CR1: variants seen among roughly 807,000 people sequenced by gnomAD.
CR1 encodes the protein complement C3b/C4b receptor 1 (Knops blood group).
CR1 carries 116 observed loss-of-function variants against 187.3 expected under a neutral mutation model. The observed-to-expected ratio is 0.62, with a 90% CI of 0.53 to 0.72. The LOEUF is 0.72. CR1 is among the 30% of genes least tolerant of loss of function. The pLI is 0.00. For missense variants in CR1, 1,731 were observed against 2,110.7 expected, an observed-to-expected ratio of 0.82 and a Z score of 3.52; for synonymous variants, 576 against 747.1, an observed-to-expected ratio of 0.77 and a Z score of 3.73.
At chr1:207,516,309 C>A (rs532866456) in intron 4 of CR1, among the ~76,000 whole-genome samples, 2 of 152,304 alleles carry the variant, frequency 1.3e-5, no homozygotes, top group East Asian at 1.9e-4. Flanking sequence ...AGTCAGGTGA[C>A]CTTATGAGTG....
At position 207,618,250 on chromosome 1, in the gene CR1, G is replaced by A; in HGVS notation, c.7066+3G>A. On this transcript the variant is annotated splice_donor_region_variant and intron_variant, in intron 42 of 46. Transcript: ENST00000367049. ...CCAATTGGATCATTATTGCAAAGGTGACTTATTTCTTGGTATTCCTTATTC... is the reference window on the plus strand; with the variant it reads ...CCAATTGGATCATTATTGCAAAGGTAACTTATTTCTTGGTATTCCTTATTC... 1 of 1,612,598 alleles carries A rather than the reference G, an allele frequency of 6.2e-7. No homozygotes were observed. The highest frequency in any genetic ancestry group is 8.5e-7 in the Non-Finnish European group (1 of 1,179,104).
At chr1:207,575,192 C>G (rs1254447040) in intron 27 of CR1, among the ~76,000 whole-genome samples, 2 of 127,430 alleles carry the variant, frequency 1.6e-5, no homozygotes, top group Non-Finnish European at 3.2e-5. Context: ...AGTAAAATGA[C>G]ATAGTATTAT....
At chr1:207,597,540 T>C (rs911399955) in intron 35 of CR1, among the ~76,000 whole-genome samples, 3 of 152,152 alleles carry the variant, frequency 2.0e-5, no homozygotes, top group African/African-American at 7.2e-5. Context: ...CAACCTGACT[T>C]TGTACTAGGA....
chr1:207,506,975 A>G, intron 3 of CR1, 162 bp downstream of exon 3: 1 of 597,076 alleles, frequency 1.7e-6, no homozygotes, highest in Admixed American at 3.3e-5. Flanking sequence ...GAGCAAAGGT[A>G]TGACAAGATC....
At chr1:207,577,127 T>C (rs1446926185) in intron 28 of CR1, among the ~76,000 whole-genome samples, 1 of 152,070 alleles carries the variant, frequency 6.6e-6, no homozygotes, top group Non-Finnish European at 1.5e-5. Context: ...GGCGCATGCC[T>C]GTAATCCCAG....
intron 46 of CR1, among the ~76,000 whole-genome samples, chr1:207,633,971 G>C (rs1012553450): frequency 1.3e-5 from 2 of 152,134 alleles, no homozygotes; most frequent in African/African-American, 2.4e-5. Context: ...CTCAGTGGGG[G>C]AGCTTTTTGA....
intron 1 of CR1, among the ~76,000 whole-genome samples, chr1:207,496,623 T>A (rs1324369058): frequency 2.0e-5 from 3 of 152,138 alleles, no homozygotes; most frequent in Non-Finnish European, 4.4e-5. Flanking sequence ...GGGGCTTAAG[T>A]CGTGACGAGC....
intron 23 of CR1, among the ~76,000 whole-genome samples, chr1:207,564,892 A>C (rs1660445598): frequency 6.6e-6 from 1 of 150,476 alleles, no homozygotes; most frequent in South Asian, 2.1e-4. Flanking sequence ...TTATTATTAA[A>C]AGCTAGGATC....
At chr1:207,581,261 GACGTATACATATGGACACGTATATGTAT>G (rs1558245529) in intron 31 of CR1, among the ~76,000 whole-genome samples, 2,760 of 129,476 alleles carry the variant, frequency 0.021, 2 homozygotes, top group African/African-American at 0.037. Flanking sequence ...CGTATATGTA[GACGTATACATATGGACACGTATATGTAT>G]ACGTATACAT....
At chr1:207,638,255 T>A (rs529307446) in intron 46 of CR1, among the ~76,000 whole-genome samples, 1 of 152,372 alleles carries the variant, frequency 6.6e-6, no homozygotes, top group South Asian at 2.1e-4. Flanking sequence ...TACTACAGTA[T>A]CCTGGTCCAT....
intron 24 of CR1, 83 bp from the exon 25 acceptor site, chr1:207,567,741 A>G: frequency 1.3e-6 from 2 of 1,543,986 alleles, no homozygotes; most frequent in Non-Finnish European, 1.8e-6. Context: ...ATTTTCAGCA[A>G]CACCAATCAT....
At chr1:207,564,258 G>T (rs779476081) in intron 23 of CR1, 24 bp downstream of exon 23, 3 of 1,571,474 alleles carry the variant, frequency 1.9e-6, no homozygotes, top group Admixed American at 1.8e-5. Flanking sequence ...TGCCTGACCT[G>T]CTGGACATTG....
At chr1:207,586,134 G>GTGTA (rs967144020) in intron 33 of CR1, among the ~76,000 whole-genome samples, 10 of 151,744 alleles carry the variant, frequency 6.6e-5, no homozygotes, top group African/African-American at 2.4e-4. Context: ...TTGTGTGTGT[G>GTGTA]TGTGTGTGTG....
chr1:207,506,231 T>G (rs1438365090), intron 2 of CR1, 148 bp downstream of exon 2: 3 of 937,550 alleles, frequency 3.2e-6, no homozygotes, highest in African/African-American at 1.7e-5. Context: ...AGATCATACC[T>G]TGTTACTGCT....
Sources: gnomAD v4.1 joint callset for allele counts (sites outside exome capture counted in the v4.1 genomes callset) on GRCh38, gnomAD v4.1.1 for gene constraint, MANE v1.5 for transcripts, NCBI Gene and HGNC (gene_info 2026-07-23, HGNC 2026-07-21) for gene names.